ZNF732: variants seen among roughly 807,000 people sequenced by gnomAD.
The protein encoded by ZNF732 is zinc finger protein 732, also known as zinc finger protein LOC654254.
ZNF732 carries 12 observed loss-of-function variants against 11.5 expected under a neutral mutation model. The observed-to-expected ratio is 1.05, with a 90% CI of 0.67 to 1.70. The LOEUF (loss-of-function observed/expected upper bound fraction) is 1.70, where lower values mean the gene tolerates loss of function less well. Among genes scored for constraint, ZNF732 ranks in the 40% most tolerant of loss-of-function variants. The pLI is 0.00. For missense variants in ZNF732, 702 were observed against 676.9 expected, an observed-to-expected ratio of 1.04 and a Z score of -0.41; for synonymous variants, 231 against 236.5, an observed-to-expected ratio of 0.98 and a Z score of 0.21.
chr4:289,896 A>G (rs547456848), intron 3 of ZNF732, among the ~76,000 whole-genome samples: 37 of 152,354 alleles, frequency 2.4e-4, no homozygotes, highest in African/African-American at 8.4e-4. Flanking sequence ...TTGACTGCAG[A>G]CACAGATCCA....
chr4:286,045 G>C (rs1373286795), intron 3 of ZNF732, among the ~76,000 whole-genome samples: 1 of 152,198 alleles, frequency 6.6e-6, no homozygotes, highest in Non-Finnish European at 1.5e-5. Flanking sequence ...TGGTTTTTGG[G>C]GAACTGTGCG....
chr4:287,861 C>A (rs1327329787), intron 3 of ZNF732, among the ~76,000 whole-genome samples: 1 of 151,994 alleles, frequency 6.6e-6, no homozygotes, highest in Non-Finnish European at 1.5e-5. Flanking sequence ...TTGGAGGAAC[C>A]TCCATACATT....
rs184074386 is a variant in ZNF732, at chr4:273,881, A to C, written c.227-1251T>G. 4.3e-3 allele frequency among the ~76,000 whole-genome samples: 646 copies of C among 151,758 alleles called. 2 individuals are homozygous for C. The highest frequency in any genetic ancestry group is 0.015 in the African/African-American group (607 of 41,500). Reference sequence around the variant, plus strand: ...TTAAGGTGCTAGGAAAAAAAAAAAAAACTTCTATGTGGGAATCATATAACC... The same window carrying C: ...TTAAGGTGCTAGGAAAAAAAAAAAACACTTCTATGTGGGAATCATATAACC... On this transcript the variant is annotated intron_variant, in intron 3 of 3. Transcript: ENST00000419098.
At chr4:295,021 T>C (rs980883029) in intron 3 of ZNF732, among the ~76,000 whole-genome samples, 1 of 152,222 alleles carries the variant, frequency 6.6e-6, no homozygotes, top group Non-Finnish European at 1.5e-5. Flanking sequence ...CTGATGTTCT[T>C]GGGATTTCTG....
rs1487028216 is a variant in ZNF732 at position 287,421 on chromosome 4, G to T, written c.226+8017C>A. Among the ~76,000 whole-genome samples the T allele has an allele frequency of 4.6e-5, 7 of 151,670 alleles. No homozygotes were observed. In the East Asian group the frequency reaches 1.4e-3, roughly 30 times the overall value. ...GTAGAGACGGGGTTTCGCCATGTTG[G>T]CCAGGGTAGTCTCGAACTCCTGACC... On this transcript the variant is annotated intron_variant, in intron 3 of 3. Coordinates refer to ENST00000419098, the MANE Select transcript of ZNF732 (RefSeq NM_001137608.3).
At chr4:295,091 T>C (rs576925560) in intron 3 of ZNF732, among the ~76,000 whole-genome samples, 1 of 152,236 alleles carries the variant, frequency 6.6e-6, no homozygotes, top group Non-Finnish European at 1.5e-5. Context: ...ACAAAAAGAA[T>C]ATTTGAAAAA....
In ZNF732 at chr4:272,382, G is replaced by T; in HGVS notation, c.475C>A (p.Arg159Ser). The change falls in exon 4 of 4, where the codon CGT becomes AGT. Residue 159 changes from arginine (R) to serine (S), a missense_variant. Arg to Ser is a moderately radical substitution (Grantham distance 110). This residue lies in a region of ZNF732 where 596 missense variants were observed against 557.9 expected (regional missense o/e 1.07). Coordinates refer to ENST00000419098, the MANE Select transcript of ZNF732 (RefSeq NM_001137608.3). ...VFSTFSNSNQ[R>S]RIRHTGEKHF... The stretch of plus-strand genomic sequence containing the variant: ...TTCTCTCCAGTATGTCTTATCCTAC[G>T]TTGGTTTGAATTTGAAAATGTACTA... 1 of 1,600,554 alleles carries T rather than the reference G, an allele frequency of 6.2e-7. No individual in the cohort carries two copies. Among genetic ancestry groups the T allele is most frequent in the Non-Finnish European group, 8.5e-7 (1 of 1,172,456 alleles).
chr4:271,308 G>A lies in ZNF732; in HGVS notation c.1549C>T (p.Leu517=), dbSNP rs782809336. Residue 517 remains leucine (L), a synonymous_variant, in exon 4 of 4, where the codon CTG becomes TTG. Transcript: ENST00000419098. ...CGKAFGWSTY[L]SKHKKIHTGE... ...GTATGAATTTTCTTATGTTTACTCA[G>A]GTATGTGGACCATCCAAAGGCTTTG... The A allele has an allele frequency of 1.1e-4, 184 of 1,601,542 alleles. No individual in the cohort carries two copies. The highest frequency in any genetic ancestry group is 1.4e-4 in the Non-Finnish European group (164 of 1,173,284).
At chr4:282,594 G>A (rs1036539788) in intron 3 of ZNF732, among the ~76,000 whole-genome samples, 6 of 152,106 alleles carry the variant, frequency 3.9e-5, no homozygotes, top group Non-Finnish European at 7.4e-5. Flanking sequence ...CCAGCTACTT[G>A]GGAGGCTGAT....
At chr4:278,038 G>C (rs1010388984) in intron 3 of ZNF732, among the ~76,000 whole-genome samples, 2 of 152,078 alleles carry the variant, frequency 1.3e-5, no homozygotes, top group Non-Finnish European at 2.9e-5. Context: ...ATACTATTCA[G>C]CTACAAAAGA....
chr4:304,143 C>T (rs2352927), intron 1 of ZNF732, among the ~76,000 whole-genome samples: 45,297 of 151,898 alleles, frequency 0.3, 6,883 homozygotes, highest in South Asian at 0.47. Flanking sequence ...AAAGCTGTCA[C>T]GGGCACAATT....
chr4:274,294 GA>G (rs1345802165), intron 3 of ZNF732, among the ~76,000 whole-genome samples: 3 of 151,512 alleles, frequency 2.0e-5, no homozygotes, highest in African/African-American at 7.3e-5. Context: ...AAATTCAATG[GA>G]AGTTAAGTTT....
At chr4:297,607 T>TAAAAAAAAA (rs57681246) in intron 1 of ZNF732, among the ~76,000 whole-genome samples, 7 of 101,014 alleles carry the variant, frequency 6.9e-5, no homozygotes, top group African/African-American at 2.6e-4. Context: ...TTAAGATTTG[T>TAAAAAAAAA]AAAAAAAAAA....
In ZNF732 at chr4:305,312, T is replaced by TC. The variant is rs1553844282; in HGVS notation, c.-3dup. 6.2e-7 allele frequency: 1 copy of TC among 1,607,716 alleles called. No homozygotes were observed. Among genetic ancestry groups the TC allele is most frequent in the Admixed American group, 1.7e-5 (1 of 59,990 alleles). On this transcript the variant is annotated 5_prime_UTR_variant, in exon 1 of 4. Coordinates refer to ENST00000419098, the MANE Select transcript of ZNF732 (RefSeq NM_001137608.3). ...ACGCCCTGCCCCCACACTCACCATTTCCCCACTTCAGGGGTGTAGCGGAGT... is the reference window on the plus strand; with the variant it reads ...ACGCCCTGCCCCCACACTCACCATTTCCCCCACTTCAGGGGTGTAGCGGAGT...
chr4:296,302 G>A, intron 1 of ZNF732, 147 bp from the exon 2 acceptor site: 1 of 1,180,892 alleles, frequency 8.5e-7, no homozygotes, highest in Non-Finnish European at 1.2e-6. Context: ...GTATTCTATA[G>A]CTCTGCAGAA....
At chr4:304,710 G>A (rs1720191496) in intron 1 of ZNF732, among the ~76,000 whole-genome samples, 1 of 152,244 alleles carries the variant, frequency 6.6e-6, no homozygotes, top group African/African-American at 2.4e-5. Flanking sequence ...AGCGCTGTGC[G>A]CGCCCACACC....
intron 1 of ZNF732, among the ~76,000 whole-genome samples, chr4:300,927 ACAG>A (rs1720103170): frequency 6.6e-6 from 1 of 152,236 alleles, no homozygotes; most frequent in South Asian, 2.1e-4. Flanking sequence ...ATCAGAGTGA[ACAG>A]GCAACCTACA....
chr4:284,726 C>T (rs1209376117), intron 3 of ZNF732, among the ~76,000 whole-genome samples: 1 of 151,390 alleles, frequency 6.6e-6, no homozygotes, highest in Non-Finnish European at 1.5e-5. Context: ...CAAAAATTCG[C>T]CGGGCGTGGT....
At chr4:305,003 G>C (rs1023221220) in intron 1 of ZNF732, among the ~76,000 whole-genome samples, 21 of 152,338 alleles carry the variant, frequency 1.4e-4, no homozygotes, top group Admixed American at 8.5e-4. Flanking sequence ...CCGGACCACA[G>C]CTCCTCCCAG....
Sources: allele counts gnomAD v4.1 joint callset (sites outside exome capture counted in the v4.1 genomes callset), GRCh38; gene constraint gnomAD v4.1.1; regional missense constraint gnomAD v4.1.1; transcripts MANE v1.5; gene names NCBI Gene and HGNC (gene_info 2026-07-23, HGNC 2026-07-21).